TAC1: variants seen among roughly 807,000 people sequenced by gnomAD.
TAC1 encodes tachykinin precursor 1.
In TAC1, 12 loss-of-function variants were observed where a neutral mutation model predicts 21.7. The ratio of observed to expected loss-of-function variants is 0.55; its 90% confidence interval spans 0.35 to 0.89. TAC1 has a LOEUF of 0.89. Ranked by LOEUF, TAC1 falls within the 40% of genes least tolerant of loss-of-function variation. TAC1 has a pLI of 0.01. For synonymous variants in TAC1, 52 were observed against 52.0 expected, an observed-to-expected ratio of 1.00 and a Z score of 0.00; for missense variants, 128 against 151.4, an observed-to-expected ratio of 0.85 and a Z score of 0.81.
chr7:97,734,410 G>A (rs1293547469), intron 4 of TAC1, 118 bp downstream of exon 4: 2 of 832,598 alleles, frequency 2.4e-6, no homozygotes, highest in South Asian at 1.6e-5. Flanking sequence ...ATAAAGAGAT[G>A]GATTTGCGCA....
At chr7:97,734,888 T>C in intron 5 of TAC1, 39 bp downstream of exon 5, 2 of 1,463,456 alleles carry the variant, frequency 1.4e-6, no homozygotes, top group Non-Finnish European at 1.9e-6. Context: ...CAAATTTAAA[T>C]GTAAAATTAT....
At chr7:97,739,813 A>T in intron 6 of TAC1, 61 bp from the exon 7 acceptor site, 1 of 1,247,442 alleles carries the variant, frequency 8.0e-7, no homozygotes, top group Non-Finnish European at 1.1e-6. Context: ...CCTGAACTTT[A>T]GTTGTGTAAC....
chr7:97,736,948 T>C (rs1789586846), intron 6 of TAC1, among the ~76,000 whole-genome samples: 1 of 152,064 alleles, frequency 6.6e-6, no homozygotes, highest in African/African-American at 2.4e-5. Context: ...GTGTTATAAA[T>C]TGGTTCTGGC....
At chr7:97,739,725 G>T in intron 6 of TAC1, 149 bp from the exon 7 acceptor site, 1 of 526,998 alleles carries the variant, frequency 1.9e-6, no homozygotes, top group Non-Finnish European at 3.3e-6. Flanking sequence ...AGGATTGGAA[G>T]ATGTGCAGAT....
chr7:97,739,815 T>G (rs1584419782), intron 6 of TAC1, 59 bp from the exon 7 acceptor site: 1 of 1,286,912 alleles, frequency 7.8e-7, no homozygotes, highest in Non-Finnish European at 1.1e-6. Flanking sequence ...TGAACTTTAG[T>G]TGTGTAACTC....
At chr7:97,734,476 ACTCTCTCTCAGTCT>A (rs1789515943) in intron 4 of TAC1, among the ~76,000 whole-genome samples, 184 bp downstream of exon 4, 3 of 137,478 alleles carry the variant, frequency 2.2e-5, no homozygotes, top group South Asian at 4.8e-4. Context: ...TCTCTCTGTC[ACTCTCTCTCAGTCT>A]CTCTCTCTCT....
rs1789465044 is a variant in TAC1 at position 97,732,811 on chromosome 7, C to T, written c.123+76C>T. The T allele has an allele frequency of 3.9e-6, 6 of 1,537,536 alleles. No individual in the cohort carries two copies. The highest frequency in any genetic ancestry group is 4.4e-6 in the Non-Finnish European group (5 of 1,139,574). ...CTGTCACCTTCCCACGCAACAGCAC[C>T]CTAGTTAACGTGGCACGCACCGCCA... On this transcript the variant is annotated intron_variant, in intron 2 of 6. Transcript: ENST00000319273. This position sits in a 1 kb window ranked among gnomAD's most constrained non-coding sequence, Gnocchi z 6.2.
At chr7:97,733,529 G>T (rs1375807798) in intron 2 of TAC1, among the ~76,000 whole-genome samples, 194 bp from the exon 3 acceptor site, 6 of 152,238 alleles carry the variant, frequency 3.9e-5, no homozygotes, top group East Asian at 3.9e-4. Context: ...AGGCTTGCGG[G>T]GGGCGGGACG....
At chr7:97,735,555 G>A (rs1321455950) in intron 5 of TAC1, among the ~76,000 whole-genome samples, 1 of 152,130 alleles carries the variant, frequency 6.6e-6, no homozygotes, top group African/African-American at 2.4e-5. Context: ...ACCCTGTCAT[G>A]GATTTGGTTC....
chr7:97,732,550 CT>C lies in TAC1; in HGVS notation c.-9-53del. The C allele has an allele frequency of 2.5e-6, 4 of 1,604,352 alleles. No individual in the cohort carries two copies. Among genetic ancestry groups the C allele is most frequent in the African/African-American group, 1.3e-5 (1 of 74,802 alleles). ...TGCTTTAACTCTTGGATAACCACCC[CT>C]AATAGATACATTATTTCTCTCTTTG... On this transcript the variant is annotated intron_variant, in intron 1 of 6. Transcript: ENST00000319273. The surrounding 1 kb of genome is among the most constrained non-coding windows in gnomAD (Gnocchi z 6.2).
chr7:97,737,451 C>T (rs1206740710), intron 6 of TAC1, among the ~76,000 whole-genome samples: 1 of 151,294 alleles, frequency 6.6e-6, no homozygotes, highest in Non-Finnish European at 1.5e-5. Context: ...GACTTGGGTA[C>T]ATTAAATAAA....
rs879520846 is a variant in TAC1 at position 97,732,538 on chromosome 7, G to C, written c.-9-66G>C. The C allele has an allele frequency of 1.9e-6, 3 of 1,578,768 alleles. No homozygotes were observed. Among genetic ancestry groups the C allele is most frequent in the Non-Finnish European group, 1.7e-6 (2 of 1,159,612 alleles). ...AGAAAATTCTGTTGCTTTAACTCTTGGATAACCACCCCTAATAGATACATT... is the reference window on the plus strand; with the variant it reads ...AGAAAATTCTGTTGCTTTAACTCTTCGATAACCACCCCTAATAGATACATT... On this transcript the variant is annotated intron_variant, in intron 1 of 6. Transcript: ENST00000319273. This position sits in a 1 kb window ranked among gnomAD's most constrained non-coding sequence, Gnocchi z 6.2.
At chr7:97,733,571 G>A in intron 2 of TAC1, 152 bp from the exon 3 acceptor site, 1 of 630,362 alleles carries the variant, frequency 1.6e-6, no homozygotes, top group Non-Finnish European at 2.7e-6. Context: ...CAGAGAGGCA[G>A]CGCCTCGGGA....
chr7:97,739,934 A>T lies in TAC1; in HGVS notation c.*14A>T. 1 of 1,589,786 alleles carries T rather than the reference A, an allele frequency of 6.3e-7. No homozygotes were observed. On this transcript the variant is annotated 3_prime_UTR_variant, in exon 7 of 7. Coordinates refer to ENST00000319273, the MANE Select transcript of TAC1 (RefSeq NM_003182.3). ...AGAAGACGTTAATAAACTACCTAAC[A>T]TTATTTATTCAGCTTCATTTGTGTC...
chr7:97,737,430 G>A (rs1377589767), intron 6 of TAC1, among the ~76,000 whole-genome samples: 3 of 151,476 alleles, frequency 2.0e-5, no homozygotes, highest in African/African-American at 4.8e-5. Context: ...TTTCTTTATT[G>A]TGAAATGTAA....
chr7:97,732,733 A>C lies in TAC1; in HGVS notation c.121A>C (p.Lys41Gln). 1 of 1,613,584 alleles carries C rather than the reference A, an allele frequency of 6.2e-7. No homozygotes were observed. The highest frequency in any genetic ancestry group is 1.1e-5 in the South Asian group (1 of 91,034). ...WSDWYDSDQI[K>Q]EELPEPFEHL... ...CGACTGGTACGACAGCGACCAGATC[A>C]AGGTGAGGCCCCTTCCCAGGACGGC... is the stretch of plus-strand genomic sequence containing the variant. Residue 41 changes from lysine to glutamine, a missense_variant and splice_region_variant, in exon 2 of 7, where the codon AAG (lysine) becomes CAG (glutamine). Transcript: ENST00000319273. The surrounding 1 kb of genome is among the most constrained non-coding windows in gnomAD (Gnocchi z 6.2).
intron 5 of TAC1, among the ~76,000 whole-genome samples, chr7:97,735,468 T>C (rs1789558769): frequency 6.6e-6 from 1 of 152,176 alleles, no homozygotes; most frequent in African/African-American, 2.4e-5. Flanking sequence ...ATTAAATTTG[T>C]TTCTCAGTTA....
chr7:97,733,894 G>A (rs1789498975), intron 3 of TAC1, 75 bp downstream of exon 3: 3 of 1,408,742 alleles, frequency 2.1e-6, no homozygotes, highest in South Asian at 1.2e-5. Context: ...AGTACCCCAG[G>A]GTCTCTCGCT....
chr7:97,734,505 C>T (rs1437769255), intron 4 of TAC1, among the ~76,000 whole-genome samples: 2 of 150,150 alleles, frequency 1.3e-5, no homozygotes, highest in Non-Finnish European at 3.0e-5. Flanking sequence ...CTCTCTCTTT[C>T]TCTCTCTCTC....
Sources: allele counts gnomAD v4.1 joint callset (sites outside exome capture counted in the v4.1 genomes callset), GRCh38; gene constraint gnomAD v4.1.1; non-coding constraint Gnocchi (gnomAD v3.1); transcripts MANE v1.5; gene names NCBI Gene and HGNC (gene_info 2026-07-23, HGNC 2026-07-21).